The following NTM variants were observed in gnomAD, a reference collection of about 807,000 sequenced individuals.
NTM encodes neurotrimin.
A neutral mutation model predicts 42.1 loss-of-function variants in NTM; 13 were observed. That is an observed-to-expected ratio of 0.31 (90% CI 0.20 to 0.49). The LOEUF is 0.49. Among genes scored for constraint, NTM ranks in the 20% least tolerant of loss-of-function variants. The probability of loss-of-function intolerance (pLI) is 0.99; values close to 1 mark genes in which losing one functional copy is unlikely to be tolerated. For synonymous variants in NTM, 187 were observed against 179.2 expected (o/e 1.04, Z -0.35); for missense variants, 373 against 452.8 (o/e 0.82, Z 1.60).
intron 1 of NTM, chr11:131,535,835 G>C (rs423399): frequency 6.6e-6 from 1 of 152,218 alleles, no homozygotes; most frequent in South Asian, 2.1e-4. Context: ...TAGAAACCAC[G>C]CCGAAAACAT....
chr11:131,598,683 TTTTCTTTCTTTCTTTCTTTCTTTC>T lies in NTM; in HGVS notation c.82+227846_82+227869del, dbSNP rs199821939. ...AGAACTACTACTCTCTTCTCATTTG[TTTTCTTTCTTTCTTTCTTTCTTTC>T]TTTCTTTCTTTCTTTCTTTCTTTCT... On this transcript the variant is annotated intron_variant, in intron 1 of 8. Transcript: ENST00000683400. Among the ~76,000 whole-genome samples, 151 of 74,848 alleles carry T rather than the reference TTTTCTTTCTTTCTTTCTTTCTTTC, an allele frequency of 2.0e-3. 21 individuals carry two copies. Among genetic ancestry groups the T allele is most frequent in the East Asian group, 0.018 (39 of 2,160 alleles). 49.1% of individuals were successfully genotyped at this position (74,848 alleles called of 152,430 possible).
intron 1 of NTM, among the ~76,000 whole-genome samples, chr11:131,715,142 C>A (rs2077555809): frequency 6.6e-6 from 1 of 152,146 alleles, no homozygotes; most frequent in Non-Finnish European, 1.5e-5. Flanking sequence ...GCCAGGCCAC[C>A]TCAGATATGG....
chr11:131,604,126 C>G (rs1252583166), intron 1 of NTM, among the ~76,000 whole-genome samples: 1 of 152,084 alleles, frequency 6.6e-6, no homozygotes, highest in Admixed American at 6.5e-5. Context: ...GTGGACACAC[C>G]ATTTGACAGC....
chr11:132,311,394 T>TGTATTATATTCATGTAGC (rs1417795212), intron 6 of NTM, among the ~76,000 whole-genome samples: 1 of 152,186 alleles, frequency 6.6e-6, no homozygotes, highest in Non-Finnish European at 1.5e-5. Flanking sequence ...TCTAGTGAGA[T>TGTATTATATTCATGTAGC]GTATTATATT....
At chr11:132,312,196 A>G (rs1313205876) in intron 6 of NTM, among the ~76,000 whole-genome samples, 23 of 152,070 alleles carry the variant, frequency 1.5e-4, no homozygotes, top group Non-Finnish European at 1.5e-5. Flanking sequence ...CCCAAGGCAT[A>G]TTGTGTCTGC....
intron 4 of NTM, among the ~76,000 whole-genome samples, chr11:132,261,577 T>C (rs992174250): frequency 6.6e-6 from 1 of 152,222 alleles, no homozygotes; most frequent in African/African-American, 2.4e-5. Context: ...ACTGCCCATG[T>C]TCCAGACCTA....
intron 1 of NTM, among the ~76,000 whole-genome samples, chr11:131,468,522 A>G (rs1952109240): frequency 6.6e-6 from 1 of 152,226 alleles, no homozygotes; most frequent in Admixed American, 6.5e-5. Context: ...CGATATGCAG[A>G]GTAATTGCTT....
At chr11:131,582,939 T>C (rs1248405716) in intron 1 of NTM, among the ~76,000 whole-genome samples, 1 of 152,224 alleles carries the variant, frequency 6.6e-6, no homozygotes, top group Non-Finnish European at 1.5e-5. Context: ...GCCTGTACTT[T>C]CTTTTAACTG....
intron 2 of NTM, among the ~76,000 whole-genome samples, chr11:131,919,473 A>G (rs2056907122): frequency 6.6e-6 from 1 of 152,178 alleles, no homozygotes; most frequent in Non-Finnish European, 1.5e-5. Flanking sequence ...TAGGAGTACA[A>G]TCATTGGAGA....
chr11:132,223,873 T>C (rs922756720), intron 4 of NTM, among the ~76,000 whole-genome samples: 3 of 152,066 alleles, frequency 2.0e-5, no homozygotes, highest in African/African-American at 7.2e-5. Context: ...CATGAGAAGA[T>C]GAGGCCAGGT....
At chr11:132,137,351 T>TC (rs2068138476) in intron 2 of NTM, among the ~76,000 whole-genome samples, 2 of 152,192 alleles carry the variant, frequency 1.3e-5, no homozygotes, top group South Asian at 4.1e-4. Context: ...AGGAGGGCTG[T>TC]CCCCTGGAGA....
intron 1 of NTM, among the ~76,000 whole-genome samples, chr11:131,865,667 TAC>T (rs1339866598): frequency 6.6e-6 from 1 of 151,588 alleles, no homozygotes; most frequent in Admixed American, 6.6e-5. Flanking sequence ...AGGTACACAC[TAC>T]ACACACACTC....
At chr11:131,577,082 T>C (rs1207536795) in intron 1 of NTM, among the ~76,000 whole-genome samples, 1 of 152,248 alleles carries the variant, frequency 6.6e-6, no homozygotes, top group Non-Finnish European at 1.5e-5. Context: ...TTGGCTCTTC[T>C]GATTACTGGC....
Position 132,307,797 on chromosome 11 carries a change from T to C in NTM, c.635T>C (p.Val212Ala), listed in dbSNP as rs2095143695. The change falls in exon 5 of 9, where the codon GTA becomes GCA. Residue 212 changes from valine (V) to alanine (A), a missense_variant. Coordinates refer to ENST00000683400, the MANE Select transcript of NTM (RefSeq NM_001352005.2). ...SASNDVAAPV[V>A]RRVKVTVNYP... ...TCCAATGACGTGGCCGCGCCCGTGG[T>C]ACGGAGAGTAAAGGTCACCGTGAAC... 1 of 1,614,200 alleles carries C rather than the reference T, an allele frequency of 6.2e-7. No homozygotes were observed. The highest frequency in any genetic ancestry group is 8.5e-7 in the Non-Finnish European group (1 of 1,180,040).
chr11:131,489,216 C>T (rs1954507967), intron 1 of NTM, among the ~76,000 whole-genome samples: 1 of 152,186 alleles, frequency 6.6e-6, no homozygotes, highest in Non-Finnish European at 1.5e-5. Flanking sequence ...CCCTCAGATT[C>T]ATTCTTCCTT....
At chr11:132,242,607 A>G (rs1442351579) in intron 4 of NTM, among the ~76,000 whole-genome samples, 1 of 152,176 alleles carries the variant, frequency 6.6e-6, no homozygotes, top group Non-Finnish European at 1.5e-5. Context: ...CTGGGTTTGC[A>G]CCGCTTTCAC....
chr11:131,667,288 T>A (rs544440259), intron 1 of NTM, among the ~76,000 whole-genome samples: 3 of 152,320 alleles, frequency 2.0e-5, no homozygotes, highest in South Asian at 4.1e-4. Flanking sequence ...CCACCTGGGC[T>A]TTGCCGTAGT....
intron 4 of NTM, among the ~76,000 whole-genome samples, chr11:132,281,953 T>C (rs2093986904): frequency 6.6e-6 from 1 of 152,338 alleles, no homozygotes; most frequent in African/African-American, 2.4e-5. Flanking sequence ...TTTCAACCTG[T>C]GAGCTTTAAG....
chr11:131,548,984 T>A (rs182936923), intron 1 of NTM, among the ~76,000 whole-genome samples: 5 of 152,314 alleles, frequency 3.3e-5, no homozygotes, highest in Non-Finnish European at 7.3e-5. Flanking sequence ...TATACATCCT[T>A]ATTTTATGTA....
Sources: gnomAD v4.1 joint callset for allele counts (sites outside exome capture counted in the v4.1 genomes callset) on GRCh38, gnomAD v4.1.1 for gene constraint, MANE v1.5 for transcripts, NCBI Gene and HGNC (gene_info 2026-07-23, HGNC 2026-07-21) for gene names.